The following RBFOX1 variants were observed in gnomAD, a reference collection of about 807,000 sequenced individuals.
RBFOX1 encodes RNA binding protein fox-1 homolog 1.
Under a neutral mutation model 57.7 loss-of-function variants are expected in RBFOX1, and 8 were observed. That is an observed-to-expected ratio of 0.14 (90% CI 0.08 to 0.25). The LOEUF is 0.25. Ranked by LOEUF, RBFOX1 falls within the 10% of genes least tolerant of loss-of-function variation. The pLI, the probability that RBFOX1 is intolerant of heterozygous loss-of-function variation, is 1.00. For synonymous variants in RBFOX1, 326 were observed against 222.4 expected (o/e 1.47, Z -4.15); for missense variants, 611 against 548.5 (o/e 1.11, Z -1.14).
chr16:6,019,766 AGTG>A lies in RBFOX1; in HGVS notation c.-351_-349del, dbSNP rs1325616953. ...GTCCTTGCGCTCCAGACCCCCACCCAGTGGCCGCCAGGGTCCCCGCCTGTCCGG... is the reference window on the plus strand; with the variant it reads ...GTCCTTGCGCTCCAGACCCCCACCCAGCCGCCAGGGTCCCCGCCTGTCCGG... On this transcript the variant is annotated 5_prime_UTR_variant, in exon 1 of 16. Coordinates refer to ENST00000550418, the MANE Select transcript of RBFOX1 (RefSeq NM_018723.4). This position sits in a 1 kb window ranked among gnomAD's most constrained non-coding sequence, Gnocchi z 4.2. 7.1e-7 allele frequency: 1 copy of A among 1,404,080 alleles called. No homozygotes were observed. Among genetic ancestry groups the A allele is most frequent in the Non-Finnish European group, 9.3e-7 (1 of 1,078,232 alleles). 87.0% of individuals were successfully genotyped at this position (1,404,080 alleles called of 1,614,324 possible). A position where few individuals can be genotyped will look rare whatever the true frequency, so the allele number is the denominator to read the frequency against.
At chr16:6,202,043 A>G (rs2097218780) in intron 1 of RBFOX1, among the ~76,000 whole-genome samples, 2 of 152,148 alleles carry the variant, frequency 1.3e-5, no homozygotes, top group Admixed American at 6.5e-5. Flanking sequence ...CAGCCCCTTC[A>G]TCATGTGCCC....
intron 3 of RBFOX1, among the ~76,000 whole-genome samples, chr16:7,029,406 C>A (rs1161148781): frequency 2.0e-5 from 3 of 151,366 alleles, no homozygotes; most frequent in Non-Finnish European, 2.9e-5. Flanking sequence ...CATGAGTCTT[C>A]AGTTCTTCTT....
At position 7,582,026 on chromosome 16, in the gene RBFOX1, ACC is replaced by A. The variant is rs5815414; in HGVS notation, c.414+2118_414+2119del. On this transcript the variant is annotated intron_variant, in intron 6 of 15. Coordinates refer to ENST00000550418, the MANE Select transcript of RBFOX1 (RefSeq NM_018723.4). ...ATGTGAGCTATTGCACCCATCCAGC[ACC>A]CCCCCCCCCCCTTTTTTTTGTGACA... Among the ~76,000 whole-genome samples the A allele has an allele frequency of 1.8e-3, 268 of 146,766 alleles. 1 individual carries two copies. The highest frequency in any genetic ancestry group is 0.018 in the East Asian group (86 of 4,804).
chr16:6,857,133 T>C (rs2058058535), intron 3 of RBFOX1, among the ~76,000 whole-genome samples: 1 of 152,200 alleles, frequency 6.6e-6, no homozygotes, highest in Non-Finnish European at 1.5e-5. Flanking sequence ...TGTAGAGTGA[T>C]TTTTTGTGTG....
chr16:6,391,946 AAGTC>A (rs1420948489), intron 2 of RBFOX1, among the ~76,000 whole-genome samples: 1 of 152,192 alleles, frequency 6.6e-6, no homozygotes, highest in Admixed American at 6.5e-5. Flanking sequence ...CTTTCAGAGA[AAGTC>A]AGGGAAGATT....
intron 1 of RBFOX1, among the ~76,000 whole-genome samples, chr16:6,234,281 C>A (rs1388695383): frequency 3.3e-5 from 5 of 152,124 alleles, no homozygotes; most frequent in African/African-American, 1.2e-4. Flanking sequence ...GCTAAATTTC[C>A]CCTGTGTTAT....
rs184428751 is a variant in RBFOX1, at chr16:7,484,215, A to C, written c.28-33932A>C. ...TGGTACGTCACGGTAGGAATATACCAAGATGTGTTTATCCATTCACCAGAC... is the reference window on the plus strand; with the variant it reads ...TGGTACGTCACGGTAGGAATATACCCAGATGTGTTTATCCATTCACCAGAC... On this transcript the variant is annotated intron_variant, in intron 4 of 15. Coordinates refer to ENST00000550418, the MANE Select transcript of RBFOX1 (RefSeq NM_018723.4). Among the ~76,000 whole-genome samples the C allele has an allele frequency of 2.6e-3, 396 of 152,258 alleles. 2 individuals are homozygous for C. Among genetic ancestry groups the C allele is most frequent in the African/African-American group, 9.0e-3 (373 of 41,566 alleles).
At chr16:6,829,491 A>AC (rs939516202) in intron 3 of RBFOX1, among the ~76,000 whole-genome samples, 17 of 151,010 alleles carry the variant, frequency 1.1e-4, no homozygotes, top group African/African-American at 2.7e-4. Context: ...TAAAAAAAAA[A>AC]AAAACAAAAA....
chr16:5,331,334 C>A (rs985725716), intron 1 of RBFOX1, among the ~76,000 whole-genome samples: 1 of 152,200 alleles, frequency 6.6e-6, no homozygotes, highest in Non-Finnish European at 1.5e-5. Context: ...TGTAACAAAT[C>A]ACCTCAAAAC....
intron 4 of RBFOX1, among the ~76,000 whole-genome samples, chr16:7,210,654 G>A (rs1431754431): frequency 7.9e-5 from 12 of 152,100 alleles, no homozygotes; most frequent in East Asian, 3.9e-4. Flanking sequence ...GCTCTTAGTA[G>A]GTGTCAGGCA....
chr16:6,569,198 G>A (rs1219570283), intron 2 of RBFOX1, among the ~76,000 whole-genome samples: 1 of 152,132 alleles, frequency 6.6e-6, no homozygotes, highest in Non-Finnish European at 1.5e-5. Flanking sequence ...CAATGTATAA[G>A]TTATCTAATA....
intron 4 of RBFOX1, among the ~76,000 whole-genome samples, chr16:7,383,100 G>C (rs887402271): frequency 7.2e-5 from 11 of 152,172 alleles, no homozygotes; most frequent in African/African-American, 2.4e-4. Context: ...CTTAGATTCT[G>C]ATTCTAGCAG....
chr16:7,699,604 G>A (rs896433710), intron 14 of RBFOX1, among the ~76,000 whole-genome samples: 1 of 152,154 alleles, frequency 6.6e-6, no homozygotes, highest in African/African-American at 2.4e-5. Flanking sequence ...AGGATGAGTT[G>A]TAAGTAAAAA....
chr16:5,331,577 A>T (rs1309476815), intron 1 of RBFOX1, among the ~76,000 whole-genome samples: 1 of 152,266 alleles, frequency 6.6e-6, no homozygotes, highest in Non-Finnish European at 1.5e-5. Flanking sequence ...CTTTGCAGAC[A>T]TCATACTTAT....
At chr16:7,699,806 T>G (rs2080064458) in intron 14 of RBFOX1, among the ~76,000 whole-genome samples, 1 of 152,160 alleles carries the variant, frequency 6.6e-6, no homozygotes, top group African/African-American at 2.4e-5. Flanking sequence ...TGGCTTTTAT[T>G]ATGTTTCTCT....
intron 4 of RBFOX1, among the ~76,000 whole-genome samples, chr16:5,929,899 GA>G (rs1326826534): frequency 6.6e-6 from 1 of 150,404 alleles, no homozygotes; most frequent in Non-Finnish European, 1.5e-5. Flanking sequence ...AATTCTTAAT[GA>G]GGGTGGGGAG....
chr16:7,696,416 G>C (rs372155081), intron 14 of RBFOX1, among the ~76,000 whole-genome samples: 1 of 152,220 alleles, frequency 6.6e-6, no homozygotes, highest in Admixed American at 6.5e-5. Context: ...CTTCTTAGAC[G>C]GGAGGTCTCC....
At chr16:6,124,514 CT>C (rs376528925) in intron 1 of RBFOX1, among the ~76,000 whole-genome samples, 1 of 151,736 alleles carries the variant, frequency 6.6e-6, no homozygotes, top group Non-Finnish European at 1.5e-5. Flanking sequence ...TCAATTTTTT[CT>C]TTTTTTTGAG....
chr16:7,703,921 C>T (rs1056872739), intron 14 of RBFOX1, among the ~76,000 whole-genome samples: 2 of 152,098 alleles, frequency 1.3e-5, no homozygotes, highest in East Asian at 3.9e-4. Context: ...CTCTGCAGAC[C>T]AAAAGTCTGG....
Sources: gnomAD v4.1 joint callset for allele counts (sites outside exome capture counted in the v4.1 genomes callset) on GRCh38, gnomAD v4.1.1 for gene constraint, Gnocchi (gnomAD v3.1) non-coding constraint, MANE v1.5 for transcripts, NCBI Gene and HGNC (gene_info 2026-07-23, HGNC 2026-07-21) for gene names.